The following BMP6 variants were observed in gnomAD, a reference collection of about 807,000 sequenced individuals.
BMP6 encodes VG-1-R.
BMP6 carries 17 observed loss-of-function variants against 54.1 expected under a neutral mutation model. That is an observed-to-expected ratio of 0.31 (90% confidence interval 0.22 to 0.47). The LOEUF (loss-of-function observed/expected upper bound fraction) is 0.47. BMP6 is among the 20% of genes least tolerant of loss of function. BMP6 has a pLI of 1.00. For synonymous variants in BMP6, 328 were observed against 291.2 expected (o/e 1.13, Z -1.28); for missense variants, 720 against 690.4 (o/e 1.04, Z -0.48).
In BMP6 at chr6:7,746,526, C is replaced by G. The variant is rs182979334; in HGVS notation, c.664+18907C>G. Among the ~76,000 whole-genome samples the G allele has an allele frequency of 5.4e-3, 816 of 152,086 alleles. 13 individuals carry two copies. The highest frequency in any genetic ancestry group is 0.019 in the African/African-American group (770 of 41,476). On this transcript the variant is annotated intron_variant, in intron 1 of 6. Transcript: ENST00000283147. ...AATAGTTTACATTTTTTCTTTCCTG[C>G]AATTAAATTTAGACTGTTTAACCAA...
intron 1 of BMP6, among the ~76,000 whole-genome samples, chr6:7,766,877 C>A (rs976690944): frequency 1.3e-5 from 2 of 151,986 alleles, no homozygotes; most frequent in African/African-American, 4.8e-5. Context: ...GAATCAAATA[C>A]CTTCAGACAC....
At chr6:7,746,217 G>A (rs892246448) in intron 1 of BMP6, among the ~76,000 whole-genome samples, 2 of 152,212 alleles carry the variant, frequency 1.3e-5, no homozygotes, top group African/African-American at 4.8e-5. Context: ...ACAGTACTCG[G>A]CAGGGGAAGA....
Position 7,857,270 on chromosome 6 carries a change from G to A in BMP6, c.858-4181G>A, listed in dbSNP as rs931003307. ...GAAATTTTCCAGAAATATCTTACTA[G>A]CATATTAATTTGTTAAGAACCTCAT... On this transcript the variant is annotated intron_variant, in intron 2 of 6. Coordinates refer to ENST00000283147, the MANE Select transcript of BMP6 (RefSeq NM_001718.6). Among the ~76,000 whole-genome samples, 5 of 152,250 alleles carry A rather than the reference G, an allele frequency of 3.3e-5. No individual in the cohort carries two copies. In the East Asian group the frequency reaches 9.7e-4, roughly 29 times the overall value.
chr6:7,845,791 G>A (rs1476874984), intron 2 of BMP6, among the ~76,000 whole-genome samples: 1 of 151,574 alleles, frequency 6.6e-6, no homozygotes, highest in African/African-American at 2.4e-5. Flanking sequence ...TGTGTGTGAT[G>A]TATTTTTTTT....
At chr6:7,774,042 G>GTA (rs1757826955) in intron 1 of BMP6, among the ~76,000 whole-genome samples, 1 of 152,228 alleles carries the variant, frequency 6.6e-6, no homozygotes. Context: ...GCCGGAGGAG[G>GTA]TATAGTCCTG....
chr6:7,738,352 T>C (rs270408), intron 1 of BMP6, among the ~76,000 whole-genome samples: 142,887 of 152,226 alleles, frequency 0.94, 67,118 homozygotes, highest in East Asian at 1. Context: ...GGAGGGACCC[T>C]AGGAGGCTGC....
At chr6:7,877,564 A>G (rs1194903567) in intron 4 of BMP6, among the ~76,000 whole-genome samples, 1 of 152,180 alleles carries the variant, frequency 6.6e-6, no homozygotes, top group Non-Finnish European at 1.5e-5. Context: ...CAGAGGTTGC[A>G]GTGAGCCGAG....
At chr6:7,862,631 G>GAT (rs2113278434) in intron 4 of BMP6, 133 bp downstream of exon 4, 2 of 1,160,996 alleles carry the variant, frequency 1.7e-6, no homozygotes, top group African/African-American at 3.0e-5. Context: ...TCATATGCAT[G>GAT]ATGGTACCTT....
At position 7,881,569 on chromosome 6, in the gene BMP6, T is replaced by G. The variant is rs1759739126; in HGVS notation, c.*1226T>G. ...AGTATCATAGTGTAAACAAACAAAT[T>G]GTACCACTTTGATTTTCTTGGAATA... is the stretch of plus-strand genomic sequence containing the variant. On this transcript the variant is annotated 3_prime_UTR_variant, in exon 7 of 7. Coordinates refer to ENST00000283147, the MANE Select transcript of BMP6 (RefSeq NM_001718.6). 1 of 152,292 alleles carries G rather than the reference T, an allele frequency of 6.6e-6. No homozygotes were observed. The highest frequency in any genetic ancestry group is 1.5e-5 in the Non-Finnish European group (1 of 68,038). 9.4% of individuals were successfully genotyped at this position (152,292 alleles called of 1,614,324 possible). A position where few individuals can be genotyped will look rare whatever the true frequency, so the allele number is the denominator to read the frequency against.
intron 1 of BMP6, among the ~76,000 whole-genome samples, chr6:7,792,217 A>C (rs1561773446): frequency 6.6e-6 from 1 of 152,274 alleles, no homozygotes; most frequent in South Asian, 2.1e-4. Flanking sequence ...AAAGCCTTCA[A>C]CTGGGTGGAT....
chr6:7,824,475 G>T (rs1395694385), intron 1 of BMP6, among the ~76,000 whole-genome samples: 1 of 152,160 alleles, frequency 6.6e-6, no homozygotes, highest in Non-Finnish European at 1.5e-5. Context: ...GGAGGAGGTT[G>T]TGTGATCTTT....
At chr6:7,751,828 A>G (rs1435980917) in intron 1 of BMP6, among the ~76,000 whole-genome samples, 3 of 152,228 alleles carry the variant, frequency 2.0e-5, no homozygotes, top group African/African-American at 7.2e-5. Context: ...ACTGTTTTTC[A>G]AGAAGTCTAA....
At chr6:7,781,546 C>G (rs879306393) in intron 1 of BMP6, among the ~76,000 whole-genome samples, 1 of 151,600 alleles carries the variant, frequency 6.6e-6, no homozygotes, top group Admixed American at 6.6e-5. Context: ...TACTCTGTCA[C>G]TCACCGCCTC....
intron 1 of BMP6, among the ~76,000 whole-genome samples, chr6:7,781,858 G>A (rs1034525860): frequency 1.3e-5 from 2 of 151,422 alleles, no homozygotes; most frequent in Admixed American, 1.3e-4. Context: ...GAAAAGATAG[G>A]TGAGAAGTGC....
chr6:7,812,649 G>A (rs925692301), intron 1 of BMP6, among the ~76,000 whole-genome samples: 10 of 152,022 alleles, frequency 6.6e-5, no homozygotes, highest in Non-Finnish European at 1.3e-4. Context: ...AATAAATATG[G>A]CAAAGACCTA....
chr6:7,835,097 C>A (rs1449645171), intron 1 of BMP6, among the ~76,000 whole-genome samples: 2 of 151,028 alleles, frequency 1.3e-5, no homozygotes, highest in Non-Finnish European at 2.9e-5. Flanking sequence ...ACCACAGAAC[C>A]CAGATCACCC....
At chr6:7,771,901 A>AAATT (rs1478672640) in intron 1 of BMP6, among the ~76,000 whole-genome samples, 1 of 152,032 alleles carries the variant, frequency 6.6e-6, no homozygotes, top group Admixed American at 6.6e-5. Flanking sequence ...AAAAATACAA[A>AAATT]AATTAGCCAG....
At chr6:7,818,302 T>C (rs1481026879) in intron 1 of BMP6, among the ~76,000 whole-genome samples, 2 of 151,610 alleles carry the variant, frequency 1.3e-5, no homozygotes, top group Admixed American at 1.3e-4. Context: ...GGACATTTTA[T>C]ATTCCACTCT....
Position 7,845,172 on chromosome 6 carries a change from C to G in BMP6, c.697C>G (p.Arg233Gly). The change falls in exon 2 of 7, where the codon CGA becomes GGA. Residue 233 changes from arginine to glycine, a missense_variant. Coordinates refer to ENST00000283147, the MANE Select transcript of BMP6 (RefSeq NM_001718.6). Reference protein sequence around the residue: ...EYDKEFSPRQRHHKEFKFNLS... With the variant: ...EYDKEFSPRQGHHKEFKFNLS... ...CGACAAGGAGTTCTCCCCTCGTCAG[C>G]GACACCACAAAGAGTTCAAGTTCAA... is the stretch of plus-strand genomic sequence containing the variant. The G allele has an allele frequency of 6.2e-7, 1 of 1,613,800 alleles. No homozygotes were observed. The highest frequency in any genetic ancestry group is 1.1e-5 in the South Asian group (1 of 91,016).
Sources: allele counts gnomAD v4.1 joint callset (sites outside exome capture counted in the v4.1 genomes callset), GRCh38; gene constraint gnomAD v4.1.1; transcripts MANE v1.5; gene names NCBI Gene and HGNC (gene_info 2026-07-23, HGNC 2026-07-21).